Variants in TRIM25 observed in about 807,000 individuals in gnomAD.
TRIM25 encodes tripartite motif containing 25, also known as E3 ubiquitin/ISG15 ligase TRIM25.
A neutral mutation model predicts 65.2 loss-of-function variants in TRIM25; 45 were observed. The ratio of observed to expected loss-of-function variants is 0.69; its 90% CI spans 0.54 to 0.89. The LOEUF (loss-of-function observed/expected upper bound fraction) is 0.89. TRIM25 is among the 40% of genes least tolerant of loss of function. The probability of loss-of-function intolerance (pLI) is 0.00; values close to 1 mark genes in which losing one functional copy is unlikely to be tolerated. For missense variants in TRIM25, 714 were observed against 803.7 expected (o/e 0.89, Z 1.35); for synonymous variants, 321 against 340.4 (o/e 0.94, Z 0.63).
chr17:56,891,389 G>T lies in TRIM25; in HGVS notation c.*311C>A. On this transcript the variant is annotated 3_prime_UTR_variant, in exon 9 of 9. Coordinates refer to ENST00000316881, the MANE Select transcript of TRIM25 (RefSeq NM_005082.5). ...CTATGGATTTTCTCTAAGAGGAATC[G>T]GGCACTCATGACTTCACTTCCCAGA... 1 of 392,032 alleles carries T rather than the reference G, an allele frequency of 2.6e-6. No homozygotes were observed. Among genetic ancestry groups the T allele is most frequent in the Non-Finnish European group, 4.7e-6 (1 of 211,608 alleles). The allele number at this position is 392,032 out of a possible 1,614,324, so 24.3% of individuals were successfully genotyped here.
rs757822602 is a variant in TRIM25, at chr17:56,895,556, T to G, written c.1229A>C (p.Glu410Ala). ...AGCTTGTTTTAAATCCACTAACTGT[T>G]CCGGGGCTCCAAACGTGGGAAGCTT... The part of the protein sequence containing the change: ...PSKLPTFGAP[E>A]QLVDLKQAGL... Residue 410 changes from glutamate (E) to alanine (A), a missense_variant, in exon 7 of 9, where the codon GAA (glutamate) becomes GCA (alanine). Glu to Ala is a moderately radical substitution (Grantham distance 107). Around this residue, in one of 3 missense-constraint regions of TRIM25, gnomAD observed 413 missense variants for 498.2 expected, o/e 0.83. Coordinates refer to ENST00000316881, the MANE Select transcript of TRIM25 (RefSeq NM_005082.5). 1 of 1,589,758 alleles carries G rather than the reference T, an allele frequency of 6.3e-7. No individual in the cohort carries two copies. The highest frequency in any genetic ancestry group is 8.6e-7 in the Non-Finnish European group (1 of 1,165,552).
chr17:56,898,615 T>C (rs926192739), intron 5 of TRIM25, among the ~76,000 whole-genome samples: 32 of 151,826 alleles, frequency 2.1e-4, no homozygotes, highest in Non-Finnish European at 7.4e-5. Flanking sequence ...ATGCAGTAGA[T>C]GGGTGGTATT....
At chr17:56,906,499 T>C (rs1398243599) in intron 2 of TRIM25, among the ~76,000 whole-genome samples, 1 of 87,888 alleles carries the variant, frequency 1.1e-5, no homozygotes, top group East Asian at 2.0e-4. Flanking sequence ...TTCGCCAATA[T>C]TTTTTTTTTT....
In TRIM25 at chr17:56,904,254, C is replaced by T; in HGVS notation, c.927+1G>A. 1 of 1,603,638 alleles carries T rather than the reference C, an allele frequency of 6.2e-7. No homozygotes were observed. Among genetic ancestry groups the T allele is most frequent in the Non-Finnish European group, 8.5e-7 (1 of 1,172,890 alleles). On this transcript the variant is annotated splice_donor_variant, in intron 3 of 8. Coordinates refer to ENST00000316881, the MANE Select transcript of TRIM25 (RefSeq NM_005082.5). LOFTEE classifies it high-confidence loss of function. ...TTCAACAATGCCTTGTGGCGACCTA[C>T]CTCCAGAAACTCGAACTCATCCCTC...
intron 4 of TRIM25, among the ~76,000 whole-genome samples, chr17:56,899,873 A>G (rs1794214241): frequency 6.6e-6 from 1 of 152,238 alleles, no homozygotes; most frequent in Admixed American, 6.5e-5. Context: ...TGAAGCCAGG[A>G]GCTCAAGATC....
At position 56,892,002 on chromosome 17, in the gene TRIM25, C is replaced by T. The variant is rs749116784; in HGVS notation, c.1591G>A (p.Gly531Arg). 37 of 1,614,050 alleles carry T rather than the reference C, an allele frequency of 2.3e-5. No individual in the cohort carries two copies. The highest frequency in any genetic ancestry group is 4.4e-5 in the South Asian group (4 of 91,092). Reference sequence around the variant, plus strand: ...TCTGGGCCCTGCCGGTTCATGCTTCCGTAGCAGATGCCTACCCCACAGAAG... The same window carrying T: ...TCTGGGCCCTGCCGGTTCATGCTTCTGTAGCAGATGCCTACCCCACAGAAG... ...NNFCGVGICY[G>R]SMNRQGPESR... The change falls in exon 9 of 9, where the codon GGA becomes AGA. Residue 531 changes from glycine to arginine, a missense_variant. Gly to Arg is a moderately radical substitution (Grantham distance 125). Transcript: ENST00000316881.
At position 56,890,235 on chromosome 17, in the gene TRIM25, T is replaced by G. The variant is rs1909140360; in HGVS notation, c.*1465A>C. On this transcript the variant is annotated 3_prime_UTR_variant, in exon 9 of 9. Coordinates refer to ENST00000316881, the MANE Select transcript of TRIM25 (RefSeq NM_005082.5). Reference sequence around the variant, plus strand: ...CTATAAGAGGCTAAATTCCTCATACTCACATCCTGACAACATTAGGCTATA... The same window carrying G: ...CTATAAGAGGCTAAATTCCTCATACGCACATCCTGACAACATTAGGCTATA... 1 of 300,672 alleles carries G rather than the reference T, an allele frequency of 3.3e-6. No homozygotes were observed. Among genetic ancestry groups the G allele is most frequent in the Non-Finnish European group, 6.4e-6 (1 of 156,586 alleles). The allele number at this position is 300,672 out of a possible 1,614,324, so 18.6% of individuals were successfully genotyped here. A position where few individuals can be genotyped will look rare whatever the true frequency, so the allele number is the denominator to read the frequency against.
intron 6 of TRIM25, 22 bp from the exon 7 acceptor site, chr17:56,895,626 T>C (rs2144350493): frequency 1.3e-6 from 2 of 1,541,800 alleles, no homozygotes; most frequent in Non-Finnish European, 1.7e-6. Flanking sequence ...GAAAGGGAAA[T>C]ATGATACAGA....
In TRIM25 at chr17:56,888,364, A is replaced by T. The variant is rs550175749; in HGVS notation, c.*3336T>A. 49 of 152,342 alleles carry T rather than the reference A, an allele frequency of 3.2e-4. No individual in the cohort carries two copies. Among genetic ancestry groups the T allele is most frequent in the African/African-American group, 1.1e-3 (45 of 41,568 alleles). The allele number at this position is 152,342 out of a possible 1,614,324, so 9.4% of individuals were successfully genotyped here. A position where few individuals can be genotyped will look rare whatever the true frequency, so the allele number is the denominator to read the frequency against. The stretch of plus-strand genomic sequence containing the variant: ...AGGACTGAAAGTCTCCCTCCCAGGA[A>T]GCAGGGACAAAGGCCAGTTCAATTC... On this transcript the variant is annotated 3_prime_UTR_variant, in exon 9 of 9. Transcript: ENST00000316881.
rs896427753 is a variant in TRIM25 at position 56,913,082 on chromosome 17, G to A, written c.597+310C>T. The A allele has an allele frequency of 8.3e-6, 2 of 239,546 alleles. No homozygotes were observed. The highest frequency in any genetic ancestry group is 1.6e-5 in the Non-Finnish European group (2 of 125,346). The allele number at this position is 239,546 out of a possible 1,614,324, so 14.8% of individuals were successfully genotyped here. On this transcript the variant is annotated intron_variant, in intron 1 of 8. Transcript: ENST00000316881. The surrounding 1 kb of genome is among the most constrained non-coding windows in gnomAD (Gnocchi z 6.1). Reference sequence around the variant, plus strand: ...TTAAGCCCGGGAAGTCGAGGCTGCAGTGAGCTGTGATTCCGCCACTGCACT... The same window carrying A: ...TTAAGCCCGGGAAGTCGAGGCTGCAATGAGCTGTGATTCCGCCACTGCACT...
rs562230942 is a variant in TRIM25, at chr17:56,895,506, C to A, written c.1264+15G>T. On this transcript the variant is annotated intron_variant, in intron 7 of 8. Coordinates refer to ENST00000316881, the MANE Select transcript of TRIM25 (RefSeq NM_005082.5). ...AGAGTGGACACCCCAAAGCTCCTTG[C>A]CCATGATAACTTACCCTCCAAGCCA... 5.8e-5 allele frequency: 93 copies of A among 1,613,544 alleles called. No homozygotes were observed. In the South Asian group the frequency reaches 9.7e-4, roughly 17 times the overall value.
At position 56,904,444 on chromosome 17, in the gene TRIM25, C is replaced by T. The variant is rs141638908; in HGVS notation, c.738G>A (p.Thr246=). The T allele has an allele frequency of 3.2e-5, 52 of 1,614,090 alleles. No individual in the cohort carries two copies. The African/African-American group carries it at 5.6e-4, about 17-fold the overall frequency. ...AGGCGTCCAAGAGAGCCTTCATTTCCGTGTATTCTTGTTGTAGCTGCTCCA... is the reference window on the plus strand; with the variant it reads ...AGGCGTCCAAGAGAGCCTTCATTTCTGTGTATTCTTGTTGTAGCTGCTCCA... ...RKVEQLQQEY[T]EMKALLDASE... The change falls in exon 3 of 9, where the codon ACG becomes ACA. Residue 246 remains threonine, a synonymous_variant. Transcript: ENST00000316881.
chr17:56,895,321 C>G lies in TRIM25; in HGVS notation c.1363+22G>C. ...GAGAGACAGAACCAGTGGAACCGCGCACCAGCCCCGAAGCTACTCACACTC... is the reference window on the plus strand; with the variant it reads ...GAGAGACAGAACCAGTGGAACCGCGGACCAGCCCCGAAGCTACTCACACTC... On this transcript the variant is annotated intron_variant, in intron 8 of 8. Transcript: ENST00000316881. The G allele has an allele frequency of 1.9e-6, 3 of 1,602,018 alleles. No individual in the cohort carries two copies. The South Asian group carries it at 3.3e-5, about 18-fold the overall frequency.
chr17:56,894,573 A>G (rs1019323710), intron 8 of TRIM25, among the ~76,000 whole-genome samples: 2 of 152,246 alleles, frequency 1.3e-5, no homozygotes, highest in African/African-American at 4.8e-5. Context: ...TTTAACAAGC[A>G]TTCGGGTGAA....
intron 5 of TRIM25, among the ~76,000 whole-genome samples, chr17:56,897,520 G>C (rs538637293): frequency 1.3e-5 from 2 of 152,088 alleles, no homozygotes; most frequent in East Asian, 1.9e-4. Context: ...CCAGCATCTT[G>C]GGAGGCCCAG....
intron 5 of TRIM25, 73 bp downstream of exon 5, chr17:56,899,042 G>A (rs1909355959): frequency 1.3e-6 from 2 of 1,566,072 alleles, no homozygotes; most frequent in Non-Finnish European, 8.8e-7. Flanking sequence ...GGATGGGCCG[G>A]AAGTGACTTG....
Position 56,901,596 on chromosome 17 carries a change from G to T in TRIM25, c.928-18C>A, listed in dbSNP as rs968632594. On this transcript the variant is annotated intron_variant, in intron 3 of 8. Transcript: ENST00000316881. ...GATGCTTTCTGGAACATGCCAGGGG[G>T]TTAGTGCAGGCAGCTCTGGTGAAAC... 5 of 1,613,764 alleles carry T rather than the reference G, an allele frequency of 3.1e-6. No individual in the cohort carries two copies. In the African/African-American group the frequency reaches 4.0e-5, roughly 13 times the overall value.
At chr17:56,901,002 G>T (rs1395064225) in intron 4 of TRIM25, among the ~76,000 whole-genome samples, 2 of 152,168 alleles carry the variant, frequency 1.3e-5, no homozygotes, top group Non-Finnish European at 2.9e-5. Context: ...TCAGGAGATT[G>T]AAAGAAGTGA....
rs1211538397 is a variant in TRIM25, at chr17:56,889,025, A to C, written c.*2675T>G. The C allele has an allele frequency of 6.6e-6, 1 of 152,246 alleles. No individual in the cohort carries two copies. Among genetic ancestry groups the C allele is most frequent in the Non-Finnish European group, 1.5e-5 (1 of 68,054 alleles). The allele number at this position is 152,246 out of a possible 1,614,324, so 9.4% of individuals were successfully genotyped here. A position where few individuals can be genotyped will look rare whatever the true frequency, so the allele number is the denominator to read the frequency against. On this transcript the variant is annotated 3_prime_UTR_variant, in exon 9 of 9. Transcript: ENST00000316881. ...TCCTTAAAGAGTTAACTCTAAAAAA[A>C]TATTAAGCTCAAGAAATAACAGCTC...
Sources: gnomAD v4.1 joint callset for allele counts (sites outside exome capture counted in the v4.1 genomes callset) on GRCh38, gnomAD v4.1.1 for gene constraint, gnomAD v4.1.1 regional missense constraint, Gnocchi (gnomAD v3.1) non-coding constraint, MANE v1.5 for transcripts, NCBI Gene and HGNC (gene_info 2026-07-23, HGNC 2026-07-21) for gene names.